SLC25A48: variants seen among roughly 807,000 people sequenced by gnomAD.
The protein encoded by SLC25A48 is solute carrier family 25 member 48, also known as CTC-321K16.1.
In SLC25A48, 29 loss-of-function variants were observed where a neutral mutation model predicts 32.2. The ratio of observed to expected loss-of-function variants is 0.90; its 90% confidence interval spans 0.67 to 1.23. The LOEUF (loss-of-function observed/expected upper bound fraction) is 1.23. Ranked by LOEUF, SLC25A48 falls within the 50% of genes most tolerant of loss-of-function variation. The probability of loss-of-function intolerance (pLI) is 0.00; values close to 1 mark genes in which losing one functional copy is unlikely to be tolerated. For synonymous variants in SLC25A48, 164 were observed against 172.3 expected, an observed-to-expected ratio of 0.95 and a Z score of 0.38; for missense variants, 399 against 422.7, an observed-to-expected ratio of 0.94 and a Z score of 0.49.
chr5:135,867,308 C>T (rs1373162356), intron 4 of SLC25A48, among the ~76,000 whole-genome samples: 2 of 152,154 alleles, frequency 1.3e-5, no homozygotes, highest in Non-Finnish European at 2.9e-5. Flanking sequence ...CCTCAGGTTC[C>T]TTGGACAAAG....
intron 7 of SLC25A48, among the ~76,000 whole-genome samples, chr5:135,887,512 A>G (rs1349177635): frequency 9.9e-5 from 15 of 151,940 alleles, no homozygotes; most frequent in African/African-American, 2.4e-5. Flanking sequence ...GTATATACAT[A>G]TCCCTCGCCC....
intron 3 of SLC25A48, among the ~76,000 whole-genome samples, chr5:135,774,581 T>C (rs964723184): frequency 2.0e-5 from 3 of 151,696 alleles, no homozygotes; most frequent in African/African-American, 7.3e-5. Flanking sequence ...ATCACAGCGG[T>C]TATACACCCC....
At chr5:135,630,513 A>G (rs1752531659) in intron 2 of SLC25A48, among the ~76,000 whole-genome samples, 1 of 151,082 alleles carries the variant, frequency 6.6e-6, no homozygotes, top group Non-Finnish European at 1.5e-5. Context: ...TAGAAACTAA[A>G]CATTCCTCTT....
rs774515326 is a variant in SLC25A48, at chr5:135,796,111, CT to C, written c.-520-16411del. On this transcript the variant is annotated intron_variant, in intron 3 of 10. Transcript: ENST00000646290. Reference sequence around the variant, plus strand: ...TTATCACAGGGGGTGTACAGCCCCCCTGATATGTTTCACAATATCCATGGTG... The same window carrying C: ...TTATCACAGGGGGTGTACAGCCCCCCGATATGTTTCACAATATCCATGGTG... Among the ~76,000 whole-genome samples the C allele has an allele frequency of 4.0e-5, 6 of 150,450 alleles. No homozygotes were observed. The South Asian group carries it at 8.4e-4, about 21-fold the overall frequency.
At chr5:135,737,132 T>A (rs1755382873) in intron 3 of SLC25A48, among the ~76,000 whole-genome samples, 1 of 152,134 alleles carries the variant, frequency 6.6e-6, no homozygotes, top group African/African-American at 2.4e-5. Context: ...AGGCTTTGTG[T>A]GAGCAACAAG....
intron 3 of SLC25A48, among the ~76,000 whole-genome samples, chr5:135,725,766 T>C (rs1755075320): frequency 6.6e-6 from 1 of 152,110 alleles, no homozygotes; most frequent in African/African-American, 2.4e-5. Context: ...ATGGCATGTT[T>C]ACATCTCAGA....
intron 5 of SLC25A48, 51 bp from the exon 6 acceptor site, chr5:135,873,970 C>T: frequency 1.1e-5 from 16 of 1,494,262 alleles, no homozygotes; most frequent in Non-Finnish European, 1.4e-5. Context: ...AACCAGGCCC[C>T]TCCAGATCCT....
chr5:135,669,172 G>A (rs1753593965), intron 3 of SLC25A48, among the ~76,000 whole-genome samples: 1 of 152,150 alleles, frequency 6.6e-6, no homozygotes, highest in South Asian at 2.1e-4. Flanking sequence ...GATGTGCCTA[G>A]GATAACATGG....
At chr5:135,721,100 G>A (rs1260980043) in intron 3 of SLC25A48, among the ~76,000 whole-genome samples, 1 of 151,258 alleles carries the variant, frequency 6.6e-6, no homozygotes, top group South Asian at 2.1e-4. Context: ...GGAGTGTAGT[G>A]GCCTGATTTC....
At chr5:135,792,311 C>T (rs1413832521) in intron 3 of SLC25A48, among the ~76,000 whole-genome samples, 2 of 151,722 alleles carry the variant, frequency 1.3e-5, no homozygotes, top group Admixed American at 6.6e-5. Context: ...GGGATATTAT[C>T]TCTAATATTT....
intron 1 of SLC25A48, among the ~76,000 whole-genome samples, chr5:135,620,922 G>A (rs1057230854): frequency 6.6e-5 from 10 of 152,096 alleles, no homozygotes; most frequent in Admixed American, 2.0e-4. Context: ...CCTTCCCCGC[G>A]TTAGGGAGCC....
intron 4 of SLC25A48, among the ~76,000 whole-genome samples, chr5:135,821,340 G>A (rs1370484202): frequency 2.0e-5 from 3 of 152,216 alleles, no homozygotes; most frequent in African/African-American, 7.2e-5. Flanking sequence ...CTGGAGAGGA[G>A]CCACAGAGGA....
intron 3 of SLC25A48, among the ~76,000 whole-genome samples, chr5:135,729,117 C>T (rs142998012): frequency 6.6e-6 from 1 of 152,272 alleles, no homozygotes; most frequent in East Asian, 1.9e-4. Flanking sequence ...GGGGGCCGCT[C>T]TTCCTTTCTG....
chr5:135,797,095 G>T (rs951611449), intron 3 of SLC25A48, among the ~76,000 whole-genome samples: 1 of 151,786 alleles, frequency 6.6e-6, no homozygotes, highest in Non-Finnish European at 1.5e-5. Flanking sequence ...ATGCGAAGGG[G>T]AAGGATATTA....
At chr5:135,724,480 C>G (rs768146912) in intron 3 of SLC25A48, among the ~76,000 whole-genome samples, 1 of 152,220 alleles carries the variant, frequency 6.6e-6, no homozygotes, top group Non-Finnish European at 1.5e-5. Flanking sequence ...GCAAGATGGG[C>G]TGCTAAGCCC....
chr5:135,827,975 C>T (rs1183750614), intron 4 of SLC25A48, among the ~76,000 whole-genome samples: 4 of 152,194 alleles, frequency 2.6e-5, no homozygotes, highest in Non-Finnish European at 5.9e-5. Flanking sequence ...AAGCAGGGTC[C>T]GAGCCATGTC....
intron 5 of SLC25A48, chr5:135,872,734 G>A (rs1761754951): frequency 6.6e-6 from 1 of 152,296 alleles, no homozygotes; most frequent in Admixed American, 6.5e-5. Flanking sequence ...TTGATGTGAT[G>A]GGAAAGATCT....
chr5:135,792,455 G>C (rs1017825802), intron 3 of SLC25A48, among the ~76,000 whole-genome samples: 1 of 151,476 alleles, frequency 6.6e-6, no homozygotes, highest in African/African-American at 2.4e-5. Context: ...GTACAATCCC[G>C]GTTATATTAT....
intron 3 of SLC25A48, among the ~76,000 whole-genome samples, chr5:135,807,529 G>A (rs1236230158): frequency 1.3e-5 from 2 of 150,232 alleles, no homozygotes; most frequent in Non-Finnish European, 3.0e-5. Flanking sequence ...AGTATCACAG[G>A]TGTTAACACA....
Sources: gnomAD v4.1 joint callset for allele counts (sites outside exome capture counted in the v4.1 genomes callset) on GRCh38, gnomAD v4.1.1 for gene constraint, MANE v1.5 for transcripts, NCBI Gene and HGNC (gene_info 2026-07-23, HGNC 2026-07-21) for gene names.